The following PTK2 variants were observed in gnomAD, a reference collection of about 807,000 sequenced individuals.
The protein encoded by PTK2 is focal adhesion kinase 1.
PTK2 carries 45 observed loss-of-function variants against 150.1 expected under a neutral mutation model. That is an observed-to-expected ratio of 0.30 (90% CI 0.24 to 0.38). The LOEUF is 0.38. Ranked by LOEUF, PTK2 falls within the 10% of genes least tolerant of loss-of-function variation. The probability of loss-of-function intolerance (pLI) is 1.00; values close to 1 mark genes in which losing one functional copy is unlikely to be tolerated. For synonymous variants in PTK2, 432 were observed against 449.2 expected, an observed-to-expected ratio of 0.96 and a Z score of 0.48; for missense variants, 919 against 1,307.3, an observed-to-expected ratio of 0.70 and a Z score of 4.58.
At chr8:140,873,834 C>T (rs2100143986) in intron 4 of PTK2, among the ~76,000 whole-genome samples, 1 of 152,214 alleles carries the variant, frequency 6.6e-6, no homozygotes, top group Non-Finnish European at 1.5e-5. Flanking sequence ...CAAATATCTT[C>T]TCCCACTTTG....
chr8:140,989,212 TAAAAAAAAAA>T (rs71310816), intron 1 of PTK2, among the ~76,000 whole-genome samples: 5 of 60,582 alleles, frequency 8.3e-5, no homozygotes, highest in South Asian at 8.4e-4. Context: ...ACCCTGTCTC[TAAAAAAAAAA>T]AAAAAAAAAA....
intron 8 of PTK2, chr8:140,821,320 G>A (rs1047260381): frequency 6.6e-6 from 1 of 152,298 alleles, no homozygotes; most frequent in Non-Finnish European, 1.5e-5. Context: ...TCAGGTCACT[G>A]TAACAGATCA....
chr8:140,860,134 G>C (rs1311855301), intron 5 of PTK2, among the ~76,000 whole-genome samples: 1 of 152,030 alleles, frequency 6.6e-6, no homozygotes, highest in African/African-American at 2.4e-5. Flanking sequence ...CCACATCCAT[G>C]AACAGTTGTA....
At chr8:140,853,442 T>C (rs1293282715) in intron 5 of PTK2, among the ~76,000 whole-genome samples, 1 of 149,226 alleles carries the variant, frequency 6.7e-6, no homozygotes, top group African/African-American at 2.5e-5. Context: ...CATGTGGTGT[T>C]TGGTTTTCTG....
In PTK2 at chr8:140,846,449, T is replaced by C. The variant is rs1298964542; in HGVS notation, c.531-127A>G. On this transcript the variant is annotated intron_variant, in intron 6 of 31. Transcript: ENST00000522684. ...TTAACAGCAACAAATGCAATTACTTTTGCACCAAACCAATAGTTCATAATT... is the reference window on the plus strand; with the variant it reads ...TTAACAGCAACAAATGCAATTACTTCTGCACCAAACCAATAGTTCATAATT... 3.4e-6 allele frequency: 4 copies of C among 1,179,818 alleles called. No homozygotes were observed. The African/African-American group carries it at 6.2e-5, about 18-fold the overall frequency. 73.1% of individuals were successfully genotyped at this position (1,179,818 alleles called of 1,614,324 possible). A position where few individuals can be genotyped will look rare whatever the true frequency, so the allele number is the denominator to read the frequency against.
intron 5 of PTK2, among the ~76,000 whole-genome samples, chr8:140,851,943 C>T (rs2154604781): frequency 6.6e-6 from 1 of 151,964 alleles, no homozygotes; most frequent in South Asian, 2.1e-4. Context: ...GTGTGTGTGC[C>T]CGTGTGTGTA....
At chr8:140,739,847 T>G (rs556553225) in intron 20 of PTK2, among the ~76,000 whole-genome samples, 32 of 152,366 alleles carry the variant, frequency 2.1e-4, no homozygotes, top group African/African-American at 7.5e-4. Flanking sequence ...ACTGCGGCCT[T>G]GCTGAACCTC....
intron 14 of PTK2, among the ~76,000 whole-genome samples, chr8:140,776,765 A>G (rs2100078694): frequency 6.6e-6 from 1 of 152,198 alleles, no homozygotes; most frequent in Non-Finnish European, 1.5e-5. Context: ...TTCAAGAAAG[A>G]AGTCTGAAAA....
rs566324763 is a variant in PTK2 at position 140,920,788 on chromosome 8, G to C, written c.-33+4873C>G. 2.8e-6 allele frequency: 4 copies of C among 1,447,242 alleles called. No homozygotes were observed. The African/African-American group carries it at 4.4e-5, about 16-fold the overall frequency. 89.7% of individuals were successfully genotyped at this position (1,447,242 alleles called of 1,614,324 possible). A position where few individuals can be genotyped will look rare whatever the true frequency, so the allele number is the denominator to read the frequency against. On this transcript the variant is annotated intron_variant, in intron 2 of 31. Coordinates refer to ENST00000522684, the Ensembl canonical transcript of PTK2. The stretch of plus-strand genomic sequence containing the variant: ...GCAAAAGCATGAATTCAAATAAAAC[G>C]GAACATATTTTTAAGTTATTTATAC...
At chr8:140,779,814 T>C (rs2154567261) in intron 14 of PTK2, among the ~76,000 whole-genome samples, 1 of 152,252 alleles carries the variant, frequency 6.6e-6, no homozygotes, top group South Asian at 2.1e-4. Context: ...TAAGGCGATA[T>C]TTTCCTTTGA....
intron 17 of PTK2, among the ~76,000 whole-genome samples, chr8:140,748,230 A>T (rs1222916730): frequency 2.0e-5 from 3 of 152,162 alleles, no homozygotes; most frequent in Non-Finnish European, 4.4e-5. Flanking sequence ...ATGGTGGCTC[A>T]CGCCTGTAAT....
At chr8:140,973,143 A>T (rs2100187973) in intron 1 of PTK2, among the ~76,000 whole-genome samples, 1 of 152,264 alleles carries the variant, frequency 6.6e-6, no homozygotes, top group African/African-American at 2.4e-5. Flanking sequence ...AATGACAGAA[A>T]TAATAATTTG....
At chr8:140,698,018 C>G (rs2100027892) in intron 26 of PTK2, among the ~76,000 whole-genome samples, 1 of 151,972 alleles carries the variant, frequency 6.6e-6, no homozygotes, top group East Asian at 1.9e-4. Context: ...CATGTCATTA[C>G]CCGCACTCTT....
intron 26 of PTK2, 95 bp from the exon 30 acceptor site, chr8:140,686,789 G>C: frequency 9.4e-7 from 1 of 1,064,574 alleles, no homozygotes; most frequent in Non-Finnish European, 1.4e-6. Flanking sequence ...TAACACAATT[G>C]TCCTCTGAAT....
intron 11 of PTK2, among the ~76,000 whole-genome samples, chr8:140,803,003 A>ATTT (rs1596239214): frequency 4.3e-5 from 5 of 117,256 alleles, no homozygotes; most frequent in African/African-American, 1.0e-4. Flanking sequence ...CTTGATGACA[A>ATTT]TCTTTTTTTT....
At chr8:140,747,828 G>A (rs917755935) in intron 17 of PTK2, among the ~76,000 whole-genome samples, 10 of 151,920 alleles carry the variant, frequency 6.6e-5, no homozygotes, top group South Asian at 2.1e-4. Context: ...GAAAGACGAC[G>A]ACAACCATTT....
At chr8:140,759,599 G>A (rs2100068132) in intron 16 of PTK2, among the ~76,000 whole-genome samples, 1 of 150,586 alleles carries the variant, frequency 6.6e-6, no homozygotes, top group South Asian at 2.1e-4. Context: ...GCTCATGCCT[G>A]CAATCCCAGC....
chr8:140,994,268 T>A (rs1391133682), intron 1 of PTK2, among the ~76,000 whole-genome samples: 1 of 152,244 alleles, frequency 6.6e-6, no homozygotes, highest in African/African-American at 2.4e-5. Flanking sequence ...AACAACTATT[T>A]CCTGCTTTTG....
intron 1 of PTK2, among the ~76,000 whole-genome samples, chr8:140,937,537 T>C (rs759958985): frequency 1.3e-5 from 2 of 150,848 alleles, no homozygotes; most frequent in South Asian, 4.2e-4. Flanking sequence ...TTTGCTAGTA[T>C]GTATCTCCCA....
Sources: gnomAD v4.1 joint callset for allele counts (sites outside exome capture counted in the v4.1 genomes callset) on GRCh38, gnomAD v4.1.1 for gene constraint, MANE v1.5 for transcripts, NCBI Gene and HGNC (gene_info 2026-07-23, HGNC 2026-07-21) for gene names.